MAPK8: variants seen among roughly 807,000 people sequenced by gnomAD.
The protein encoded by MAPK8 is JUN N-terminal kinase.
Under a neutral mutation model 52.9 loss-of-function variants are expected in MAPK8, and 13 were observed. That is an observed-to-expected ratio of 0.25 (90% CI 0.16 to 0.39). The LOEUF (loss-of-function observed/expected upper bound fraction) is 0.39, where lower values mean the gene tolerates loss of function less well. Ranked by LOEUF, MAPK8 falls within the 10% of genes least tolerant of loss-of-function variation. MAPK8 has a pLI of 1.00. For synonymous variants in MAPK8, 191 were observed against 169.8 expected, an observed-to-expected ratio of 1.12 and a Z score of -0.97; for missense variants, 300 against 519.2, an observed-to-expected ratio of 0.58 and a Z score of 4.10.
chr10:48,328,735 A>AAG (rs1376001126), intron 1 of MAPK8, among the ~76,000 whole-genome samples: 1 of 152,216 alleles, frequency 6.6e-6, no homozygotes, highest in Non-Finnish European at 1.5e-5. Context: ...TGTCTTAAAA[A>AAG]CAGAACATTT....
intron 5 of MAPK8, among the ~76,000 whole-genome samples, chr10:48,414,757 T>C (rs1349036080): frequency 2.0e-5 from 3 of 151,894 alleles, no homozygotes; most frequent in Non-Finnish European, 4.4e-5. Flanking sequence ...TATTTTTTAT[T>C]TTTTTGTAGA....
chr10:48,341,444 TG>T (rs1324985428), intron 1 of MAPK8, among the ~76,000 whole-genome samples: 1 of 152,192 alleles, frequency 6.6e-6, no homozygotes, highest in Non-Finnish European at 1.5e-5. Context: ...TTCAAGCATT[TG>T]GGATTTGGGA....
At chr10:48,433,248 A>G (rs1478777142) in intron 11 of MAPK8, among the ~76,000 whole-genome samples, 1 of 152,206 alleles carries the variant, frequency 6.6e-6, no homozygotes, top group African/African-American at 2.4e-5. Flanking sequence ...TTAACAATGC[A>G]TTTAAAAGTC....
intron 1 of MAPK8, among the ~76,000 whole-genome samples, chr10:48,398,727 T>C (rs757407959): frequency 3.9e-5 from 6 of 152,160 alleles, no homozygotes; most frequent in Non-Finnish European, 7.3e-5. Context: ...CATGGATGAA[T>C]CTCAAAATCA....
chr10:48,438,306 CTCTT>C lies in MAPK8; in HGVS notation c.*3278_*3281del, dbSNP rs1202652692. ...GTGTGCATTGTGTTTCTACTGATCT[CTCTT>C]AGGTTTTTACGGAATCAAAGGAAAC... On this transcript the variant is annotated 3_prime_UTR_variant, in exon 12 of 12. Transcript: ENST00000374189. 1 of 152,184 alleles carries C rather than the reference CTCTT, an allele frequency of 6.6e-6. No individual in the cohort carries two copies. The highest frequency in any genetic ancestry group is 1.5e-5 in the Non-Finnish European group (1 of 68,036). The allele number at this position is 152,184 out of a possible 1,614,324, so 9.4% of individuals were successfully genotyped here.
chr10:48,373,732 A>G lies in MAPK8; in HGVS notation c.-49-27880A>G, dbSNP rs185600810. Among the ~76,000 whole-genome samples the G allele has an allele frequency of 7.9e-3, 1,204 of 152,280 alleles. 4 individuals carry two copies. The highest frequency in any genetic ancestry group is 0.011 in the Non-Finnish European group (734 of 68,016). Reference sequence around the variant, plus strand: ...TCCTAAATATATATGCACCTAATACAGTAGCACCCAGATTCATAAAGCAAG... The same window carrying G: ...TCCTAAATATATATGCACCTAATACGGTAGCACCCAGATTCATAAAGCAAG... On this transcript the variant is annotated intron_variant, in intron 1 of 11. Transcript: ENST00000374189.
At chr10:48,310,063 AG>A (rs1841823014) in intron 1 of MAPK8, among the ~76,000 whole-genome samples, 2 of 152,216 alleles carry the variant, frequency 1.3e-5, no homozygotes, top group East Asian at 1.9e-4. Context: ...GAAAGGTAAC[AG>A]GAGTATTGAA....
Position 48,319,877 on chromosome 10 carries a change from G to A in MAPK8, c.-50+13056G>A, listed in dbSNP as rs1290100197. 2.0e-5 allele frequency among the ~76,000 whole-genome samples: 3 copies of A among 151,586 alleles called. No homozygotes were observed. In the South Asian group the frequency reaches 6.2e-4, roughly 32 times the overall value. On this transcript the variant is annotated intron_variant, in intron 1 of 11. Coordinates refer to ENST00000374189, the MANE Select transcript of MAPK8 (RefSeq NM_001323329.2). Reference sequence around the variant, plus strand: ...TTTCACTTAGCATGATGTTTTTAAGGTTCATGTATCATGTATCAGTACTTC... The same window carrying A: ...TTTCACTTAGCATGATGTTTTTAAGATTCATGTATCATGTATCAGTACTTC...
intron 1 of MAPK8, among the ~76,000 whole-genome samples, chr10:48,399,696 T>C (rs2042062164): frequency 2.0e-5 from 3 of 152,232 alleles, no homozygotes; most frequent in African/African-American, 7.2e-5. Context: ...AGTGTTTTGT[T>C]ACCTGCTTTG....
Position 48,351,417 on chromosome 10 carries a change from C to T in MAPK8, c.-50+44596C>T, listed in dbSNP as rs1325002236. 2.0e-5 allele frequency among the ~76,000 whole-genome samples: 3 copies of T among 151,534 alleles called. No homozygotes were observed. In the East Asian group the frequency reaches 5.8e-4, roughly 30 times the overall value. ...AGCCTCCTGAGGTCTCGCTATGGTG[C>T]CCAGGCTGGTCTCAAACTGCTGGGC... On this transcript the variant is annotated intron_variant, in intron 1 of 11. Transcript: ENST00000374189.
intron 1 of MAPK8, among the ~76,000 whole-genome samples, chr10:48,326,294 T>TAA (rs1843513435): frequency 6.6e-6 from 1 of 152,242 alleles, no homozygotes; most frequent in Non-Finnish European, 1.5e-5. Flanking sequence ...CCAATACTAT[T>TAA]AATACTTAAT....
chr10:48,320,431 C>T (rs1340389890), intron 1 of MAPK8, among the ~76,000 whole-genome samples: 3 of 151,148 alleles, frequency 2.0e-5, no homozygotes, highest in Non-Finnish European at 4.4e-5. Context: ...GAGGCAGGCT[C>T]TCCCTATGTT....
intron 1 of MAPK8, among the ~76,000 whole-genome samples, chr10:48,339,550 T>C (rs1471216592): frequency 6.6e-6 from 1 of 152,028 alleles, no homozygotes; most frequent in Non-Finnish European, 1.5e-5. Flanking sequence ...CAAAAGCAAA[T>C]GCAACAAAAA....
intron 1 of MAPK8, among the ~76,000 whole-genome samples, chr10:48,319,552 T>A (rs150291066): frequency 0.023 from 3,472 of 152,126 alleles, 144 homozygotes; most frequent in African/African-American, 0.08. Flanking sequence ...TGCAGTGGCG[T>A]GATCCCGGCT....
At chr10:48,419,815 A>C (rs1204679852) in intron 5 of MAPK8, among the ~76,000 whole-genome samples, 2 of 152,216 alleles carry the variant, frequency 1.3e-5, no homozygotes, top group Non-Finnish European at 2.9e-5. Flanking sequence ...TATAAATGCT[A>C]ACTTATGACT....
chr10:48,410,011 T>C lies in MAPK8; in HGVS notation c.312-19T>C. 1 of 1,603,852 alleles carries C rather than the reference T, an allele frequency of 6.2e-7. No individual in the cohort carries two copies. Among genetic ancestry groups the C allele is most frequent in the Non-Finnish European group, 8.5e-7 (1 of 1,176,796 alleles). ...TTGCTGCTGGACACTTTAGCTGTTC[T>C]CTTTTTTCACTCATAAAGTTACATA... is the stretch of plus-strand genomic sequence containing the variant. On this transcript the variant is annotated intron_variant, in intron 4 of 11. Coordinates refer to ENST00000374189, the MANE Select transcript of MAPK8 (RefSeq NM_001323329.2).
chr10:48,307,675 C>G (rs1841531377), intron 1 of MAPK8, among the ~76,000 whole-genome samples: 1 of 152,234 alleles, frequency 6.6e-6, no homozygotes, highest in Non-Finnish European at 1.5e-5. Context: ...GACTACATGG[C>G]ATTGTCCAGT....
chr10:48,353,766 G>A (rs767212489), intron 1 of MAPK8, among the ~76,000 whole-genome samples: 5 of 152,182 alleles, frequency 3.3e-5, no homozygotes, highest in Admixed American at 6.5e-5. Context: ...AAGTCAGCTC[G>A]AAAAGTCACA....
Position 48,348,826 on chromosome 10 carries a change from C to T in MAPK8, c.-50+42005C>T, listed in dbSNP as rs754292640. On this transcript the variant is annotated intron_variant, in intron 1 of 11. Transcript: ENST00000374189. ...AGTTTGAAGTCAGGTAGTGTGATGC[C>T]TCGAGCTTTGTTCTTTCTGCTTAGG... is the stretch of plus-strand genomic sequence containing the variant. Among the ~76,000 whole-genome samples, 14 of 151,980 alleles carry T rather than the reference C, an allele frequency of 9.2e-5. No individual in the cohort carries two copies. In the South Asian group the frequency reaches 1.5e-3, roughly 16 times the overall value.
Sources: gnomAD v4.1 joint callset for allele counts (sites outside exome capture counted in the v4.1 genomes callset) on GRCh38, gnomAD v4.1.1 for gene constraint, MANE v1.5 for transcripts, NCBI Gene and HGNC (gene_info 2026-07-23, HGNC 2026-07-21) for gene names.